The following HTR4 variants were observed in gnomAD, a reference collection of about 807,000 sequenced individuals.
HTR4 encodes 5-hydroxytryptamine receptor 4, also known as 5-hydroxytryptamine (serotonin) receptor 4, G protein-coupled.
A neutral mutation model predicts 36.8 loss-of-function variants in HTR4; 16 were observed. That is an observed-to-expected ratio of 0.43 (90% CI 0.29 to 0.66). The LOEUF is 0.66. HTR4 is among the 30% of genes least tolerant of loss of function. The probability of loss-of-function intolerance (pLI) is 0.13; values close to 1 mark genes in which losing one functional copy is unlikely to be tolerated. For synonymous variants in HTR4, 189 were observed against 185.1 expected, an observed-to-expected ratio of 1.02 and a Z score of -0.17; for missense variants, 438 against 490.9, an observed-to-expected ratio of 0.89 and a Z score of 1.02.
intron 4 of HTR4, among the ~76,000 whole-genome samples, chr5:148,537,943 C>CCAGTA (rs1758913178): frequency 1.3e-5 from 2 of 151,902 alleles, no homozygotes; most frequent in Admixed American, 1.3e-4. Flanking sequence ...AGAAGTCAGG[C>CCAGTA]CAGTATCCTT....
intron 4 of HTR4, among the ~76,000 whole-genome samples, chr5:148,540,239 G>A (rs1759038736): frequency 6.6e-6 from 1 of 151,326 alleles, no homozygotes; most frequent in Non-Finnish European, 1.5e-5. Flanking sequence ...GCTGGGAGGA[G>A]GGAGAGGAGT....
intron 2 of HTR4, among the ~76,000 whole-genome samples, chr5:148,591,040 T>C (rs1561637946): frequency 6.6e-6 from 1 of 152,214 alleles, no homozygotes; most frequent in African/African-American, 2.4e-5. Context: ...TTCAATCTTC[T>C]GCGTATGGCT....
chr5:148,480,997 G>A (rs1177920858), downstream of HTR4, among the ~76,000 whole-genome samples: 1 of 152,170 alleles, frequency 6.6e-6, no homozygotes, highest in African/African-American at 2.4e-5. Flanking sequence ...AGACATTCAG[G>A]AATTAGTTCA....
intron 2 of HTR4, among the ~76,000 whole-genome samples, chr5:148,596,437 TAACTCACCTCAAGC>T (rs746043688): frequency 1.3e-5 from 2 of 152,172 alleles, no homozygotes; most frequent in South Asian, 4.1e-4. Flanking sequence ...AGCTCTCTAT[TAACTCACCTCAAGC>T]AACTTTTTCA....
In HTR4 at chr5:148,509,795, T is replaced by C. The variant is rs202011151; in HGVS notation, c.737A>G (p.His246Arg). The C allele has an allele frequency of 6.8e-6, 11 of 1,614,002 alleles. No individual in the cohort carries two copies. Among genetic ancestry groups the C allele is most frequent in the Non-Finnish European group, 9.3e-6 (11 of 1,179,984 alleles). The stretch of plus-strand genomic sequence containing the variant: ...CTCTGTCCTCATGCGATGAGTGCTA[T>C]GCTGGTCTGCCGACTGAGGCCTGCT... ...SESRPQSADQHSTHRMRTETK... is the reference protein window; with the variant it reads ...SESRPQSADQRSTHRMRTETK... Residue 246 changes from histidine (H) to arginine (R), a missense_variant, in exon 6 of 7, where the codon CAT (histidine) becomes CGT (arginine). Coordinates refer to ENST00000377888, the MANE Select transcript of HTR4 (RefSeq NM_000870.7).
chr5:148,467,653 T>C (rs1391313495), intron 5 of HTR4, among the ~76,000 whole-genome samples: 1 of 152,238 alleles, frequency 6.6e-6, no homozygotes, highest in Non-Finnish European at 1.5e-5. Context: ...TTTCAGAAAC[T>C]GTATAATTTG....
intron 2 of HTR4, among the ~76,000 whole-genome samples, chr5:148,566,539 G>C (rs1212900412): frequency 1.3e-5 from 2 of 152,174 alleles, no homozygotes; most frequent in Non-Finnish European, 2.9e-5. Context: ...GGAGAAAGAG[G>C]AAGAGGTCCA....
At chr5:148,606,458 A>T (rs79294001) in intron 2 of HTR4, among the ~76,000 whole-genome samples, 3,834 of 152,304 alleles carry the variant, frequency 0.025, 66 homozygotes, top group Middle Eastern at 0.058. Context: ...TCAAAAAAAA[A>T]TGGAGCTATG....
chr5:148,647,836 G>T (rs1014595513), intron 1 of HTR4, among the ~76,000 whole-genome samples: 2 of 152,180 alleles, frequency 1.3e-5, no homozygotes, highest in Non-Finnish European at 2.9e-5. Flanking sequence ...CTGACAGAGC[G>T]AGACTCCATC....
chr5:148,526,128 A>G (rs968718802), intron 4 of HTR4, among the ~76,000 whole-genome samples: 9 of 152,180 alleles, frequency 5.9e-5, no homozygotes, highest in Admixed American at 6.5e-5. Flanking sequence ...TCTAGCCTTT[A>G]GAGCAGTGAG....
intron 5 of HTR4, among the ~76,000 whole-genome samples, chr5:148,458,656 G>A (rs1451769943): frequency 6.6e-6 from 1 of 151,708 alleles, no homozygotes; most frequent in East Asian, 1.9e-4. Flanking sequence ...GAGGATGCAG[G>A]CAAAAGGACC....
intron 3 of HTR4, 138 bp from the exon 4 acceptor site, chr5:148,549,006 A>G (rs1759540202): frequency 7.5e-6 from 5 of 668,910 alleles, no homozygotes; most frequent in Non-Finnish European, 1.3e-5. Flanking sequence ...AGAGGAAAGA[A>G]AAAGTCACAT....
At chr5:148,582,243 A>C (rs1021342256) in intron 2 of HTR4, among the ~76,000 whole-genome samples, 1 of 151,854 alleles carries the variant, frequency 6.6e-6, no homozygotes, top group Non-Finnish European at 1.5e-5. Context: ...ATATTTTTAG[A>C]GTCTTTAGGG....
chr5:148,607,886 C>T lies in HTR4; in HGVS notation c.26+29103G>A, dbSNP rs1014441069. ...TTTAGGGAAGTCAAAATGGAGAAACCATGAAAGTTATTTATTTATACTTTC... is the reference window on the plus strand; with the variant it reads ...TTTAGGGAAGTCAAAATGGAGAAACTATGAAAGTTATTTATTTATACTTTC... On this transcript the variant is annotated intron_variant, in intron 2 of 6. Transcript: ENST00000377888. Among the ~76,000 whole-genome samples, 13 of 152,180 alleles carry T rather than the reference C, an allele frequency of 8.5e-5. No homozygotes were observed. The East Asian group carries it at 2.5e-3, about 29-fold the overall frequency.
intron 2 of HTR4, among the ~76,000 whole-genome samples, chr5:148,606,437 T>A (rs1752166382): frequency 6.6e-6 from 1 of 152,092 alleles, no homozygotes; most frequent in Non-Finnish European, 1.5e-5. Flanking sequence ...TAATGCAACA[T>A]CACATTGGTT....
intron 2 of HTR4, among the ~76,000 whole-genome samples, chr5:148,567,641 G>A (rs1227651598): frequency 6.6e-6 from 1 of 152,018 alleles, no homozygotes; most frequent in Non-Finnish European, 1.5e-5. Context: ...TCTCCAATAT[G>A]TCAAGTGCGC....
chr5:148,527,420 C>T (rs1243953563), intron 4 of HTR4, among the ~76,000 whole-genome samples: 2 of 152,104 alleles, frequency 1.3e-5, no homozygotes, highest in Non-Finnish European at 2.9e-5. Flanking sequence ...TTGCCAGTTT[C>T]CCTTGACATA....
chr5:148,613,581 A>C (rs1374199441), intron 2 of HTR4, among the ~76,000 whole-genome samples: 26 of 150,518 alleles, frequency 1.7e-4, no homozygotes, highest in African/African-American at 4.4e-4. Flanking sequence ...ATCATACTGA[A>C]TGGGCAAAAA....
intron 2 of HTR4, among the ~76,000 whole-genome samples, chr5:148,594,033 C>T (rs1761674548): frequency 1.3e-5 from 2 of 152,136 alleles, no homozygotes; most frequent in Admixed American, 6.6e-5. Context: ...TTATACTAAG[C>T]ATATTTACTA....
Sources: allele counts gnomAD v4.1 joint callset (sites outside exome capture counted in the v4.1 genomes callset), GRCh38; gene constraint gnomAD v4.1.1; transcripts MANE v1.5; gene names NCBI Gene and HGNC (gene_info 2026-07-23, HGNC 2026-07-21).